DBT: variants seen among roughly 807,000 people sequenced by gnomAD.
DBT encodes the protein dihydrolipoamide branched chain transacylase E2.
Under a neutral mutation model 51.3 loss-of-function variants are expected in DBT, and 40 were observed. That is an observed-to-expected ratio of 0.78 (90% CI 0.61 to 1.02). The LOEUF (loss-of-function observed/expected upper bound fraction) is 1.02, where lower values mean the gene tolerates loss of function less well. DBT is among the 50% of genes least tolerant of loss of function. The pLI is 0.00. For synonymous variants in DBT, 181 were observed against 190.4 expected, an observed-to-expected ratio of 0.95 and a Z score of 0.41; for missense variants, 510 against 580.2, an observed-to-expected ratio of 0.88 and a Z score of 1.24.
At chr1:100,200,399 G>A (rs1429327869) in intron 10 of DBT, among the ~76,000 whole-genome samples, 1 of 152,248 alleles carries the variant, frequency 6.6e-6, no homozygotes, top group East Asian at 1.9e-4. Flanking sequence ...AAAGGCAGCA[G>A]CACCAGTCAG....
chr1:100,226,130 T>C (rs907742010), intron 4 of DBT, among the ~76,000 whole-genome samples: 4 of 152,202 alleles, frequency 2.6e-5, no homozygotes, highest in African/African-American at 7.2e-5. Flanking sequence ...ATGACATCCA[T>C]AGTACTGTTC....
intron 8 of DBT, among the ~76,000 whole-genome samples, chr1:100,208,140 C>T (rs374759719): frequency 2.0e-5 from 3 of 150,806 alleles, no homozygotes; most frequent in African/African-American, 4.9e-5. Context: ...GTCTCCAAAA[C>T]AAAAACAAAA....
At chr1:100,211,573 A>G (rs992258280) in intron 7 of DBT, among the ~76,000 whole-genome samples, 3 of 152,140 alleles carry the variant, frequency 2.0e-5, no homozygotes, top group African/African-American at 7.2e-5. Flanking sequence ...CTTTACATGC[A>G]TTGTGTTATT....
chr1:100,232,268 C>T (rs531792097), intron 3 of DBT, among the ~76,000 whole-genome samples: 5 of 147,838 alleles, frequency 3.4e-5, no homozygotes, highest in African/African-American at 1.2e-4. Context: ...TGACTTATCC[C>T]CATCATAAGT....
At chr1:100,249,727 A>C (rs1664803017) in intron 1 of DBT, 43 bp downstream of exon 1, 1 of 1,601,564 alleles carries the variant, frequency 6.2e-7, no homozygotes, top group Non-Finnish European at 8.6e-7. Context: ...GACTCCGGAC[A>C]AATCACTCCT....
intron 10 of DBT, among the ~76,000 whole-genome samples, chr1:100,199,358 T>A (rs999676801): frequency 1.3e-5 from 2 of 152,238 alleles, no homozygotes; most frequent in Non-Finnish European, 2.9e-5. Flanking sequence ...TCACTTTGTT[T>A]AAAATAACAT....
chr1:100,237,432 T>C (rs1225106976), intron 2 of DBT, among the ~76,000 whole-genome samples: 1 of 152,056 alleles, frequency 6.6e-6, no homozygotes, highest in African/African-American at 2.4e-5. Flanking sequence ...AGCCACTAAG[T>C]TGTGGGATTG....
At chr1:100,208,494 CTG>C (rs1395469191) in intron 8 of DBT, among the ~76,000 whole-genome samples, 1 of 152,162 alleles carries the variant, frequency 6.6e-6, no homozygotes, top group Non-Finnish European at 1.5e-5. Context: ...TGAGTACACA[CTG>C]TTTATAAGTT....
chr1:100,243,830 C>T (rs1203783607), intron 1 of DBT, among the ~76,000 whole-genome samples: 4 of 151,264 alleles, frequency 2.6e-5, no homozygotes, highest in South Asian at 2.1e-4. Context: ...GAGTTTACAA[C>T]GTATGTGAGA....
At chr1:100,196,976 C>T (rs187425506) in intron 10 of DBT, 14 of 210,918 alleles carry the variant, frequency 6.6e-5, no homozygotes, top group South Asian at 1.8e-4. Flanking sequence ...TGATCAGGCC[C>T]GGAGAGAGGA....
At position 100,188,076 on chromosome 1, in the gene DBT, C is replaced by A. The variant is rs1660650830; in HGVS notation, c.*8179G>T. On this transcript the variant is annotated 3_prime_UTR_variant, in exon 11 of 11. Coordinates refer to ENST00000370132, the MANE Select transcript of DBT (RefSeq NM_001918.5). ...TCCTCTGTCCAAAGCAACAATTGAA[C>A]CAACAGGCCCTTCTAATCTTATGCC... 1 of 152,206 alleles carries A rather than the reference C, an allele frequency of 6.6e-6. No homozygotes were observed. Among genetic ancestry groups the A allele is most frequent in the South Asian group, 2.1e-4 (1 of 4,832 alleles). 9.4% of individuals were successfully genotyped at this position (152,206 alleles called of 1,614,324 possible). A position where few individuals can be genotyped will look rare whatever the true frequency, so the allele number is the denominator to read the frequency against.
At chr1:100,209,437 T>C (rs1468184337) in intron 8 of DBT, among the ~76,000 whole-genome samples, 1 of 152,034 alleles carries the variant, frequency 6.6e-6, no homozygotes, top group Non-Finnish European at 1.5e-5. Flanking sequence ...TTAATAAGTA[T>C]ATACTTAATC....
intron 1 of DBT, among the ~76,000 whole-genome samples, chr1:100,242,890 C>G (rs887324208): frequency 6.6e-6 from 1 of 151,940 alleles, no homozygotes; most frequent in Non-Finnish European, 1.5e-5. Flanking sequence ...CAACACAACT[C>G]GTATTGAACT....
At chr1:100,211,813 C>G (rs2100790519) in intron 7 of DBT, among the ~76,000 whole-genome samples, 1 of 152,296 alleles carries the variant, frequency 6.6e-6, no homozygotes, top group South Asian at 2.1e-4. Flanking sequence ...TCTTTGTCAC[C>G]TAGGCTGCAG....
chr1:100,245,026 T>C (rs527717743), intron 1 of DBT, among the ~76,000 whole-genome samples: 1 of 152,062 alleles, frequency 6.6e-6, no homozygotes, highest in Non-Finnish European at 1.5e-5. Context: ...CTAAAAACAC[T>C]GTGAAGTTGC....
At chr1:100,249,159 T>G in intron 1 of DBT, 4 of 897,460 alleles carry the variant, frequency 4.5e-6, no homozygotes, top group Non-Finnish European at 5.4e-6. Context: ...TACCGGTATG[T>G]GTCAGTGCTT....
At chr1:100,198,981 T>C (rs1661269124) in intron 10 of DBT, among the ~76,000 whole-genome samples, 1 of 152,190 alleles carries the variant, frequency 6.6e-6, no homozygotes, top group African/African-American at 2.4e-5. Flanking sequence ...GACAATGACA[T>C]TTAATAAACA....
intron 2 of DBT, among the ~76,000 whole-genome samples, chr1:100,236,348 A>G (rs1663868041): frequency 6.6e-6 from 1 of 152,220 alleles, no homozygotes. Flanking sequence ...GAAAGCACGT[A>G]TGGACCCTCC....
chr1:100,200,995 C>T (rs1021548328), intron 10 of DBT, among the ~76,000 whole-genome samples: 2 of 152,098 alleles, frequency 1.3e-5, no homozygotes, highest in African/African-American at 4.8e-5. Flanking sequence ...ACCAGGACGC[C>T]TCTTCTCCTC....
Sources: allele counts gnomAD v4.1 joint callset (sites outside exome capture counted in the v4.1 genomes callset), GRCh38; gene constraint gnomAD v4.1.1; transcripts MANE v1.5; gene names NCBI Gene and HGNC (gene_info 2026-07-23, HGNC 2026-07-21).